KCNMA1: variants seen among roughly 807,000 people sequenced by gnomAD.
The protein encoded by KCNMA1 is potassium calcium-activated channel subfamily M alpha 1.
KCNMA1 carries 29 observed loss-of-function variants against 140.0 expected under a neutral mutation model. The ratio of observed to expected loss-of-function variants is 0.21; its 90% CI spans 0.15 to 0.28. The LOEUF (loss-of-function observed/expected upper bound fraction) is 0.28. Ranked by LOEUF, KCNMA1 falls within the 10% of genes least tolerant of loss-of-function variation. The probability of loss-of-function intolerance (pLI) is 1.00; values close to 1 mark genes in which losing one functional copy is unlikely to be tolerated. For missense variants in KCNMA1, 880 were observed against 1,602.2 expected (o/e 0.55, Z 7.70); for synonymous variants, 612 against 611.9 (o/e 1.00, Z 0.00).
rs772878572 is a variant in KCNMA1, at chr10:77,082,002, C to CTTTT, written c.1524-2456_1524-2453dup. Among the ~76,000 whole-genome samples the CTTTT allele has an allele frequency of 4.7e-3, 242 of 51,678 alleles. 38 individuals are homozygous for CTTTT. Among genetic ancestry groups the CTTTT allele is most frequent in the Non-Finnish European group, 6.1e-3 (133 of 21,706 alleles). The allele number at this position is 51,678 out of a possible 152,430, so 33.9% of individuals were successfully genotyped here. A position where few individuals can be genotyped will look rare whatever the true frequency, so the allele number is the denominator to read the frequency against. On this transcript the variant is annotated intron_variant, in intron 12 of 27. Coordinates refer to ENST00000286628, the MANE Select transcript of KCNMA1 (RefSeq NM_001161352.2). The stretch of plus-strand genomic sequence containing the variant: ...CCTTTGACCAGTAATTTCTTTTTTT[C>CTTTT]TTTTCTTTTTTTTTTTTTTTTTTTT...
chr10:77,131,541 G>A (rs1338532124), intron 5 of KCNMA1, among the ~76,000 whole-genome samples: 1 of 152,166 alleles, frequency 6.6e-6, no homozygotes, highest in Non-Finnish European at 1.5e-5. Flanking sequence ...ATATGGTCAG[G>A]AGAGTGGTTA....
At chr10:77,284,646 C>T (rs1250052503) in intron 2 of KCNMA1, among the ~76,000 whole-genome samples, 2 of 152,018 alleles carry the variant, frequency 1.3e-5, no homozygotes, top group Middle Eastern at 3.4e-3. Context: ...CCCAAGTAGC[C>T]GGGATTACAG....
rs539179159 is a variant in KCNMA1, at chr10:77,351,723, G to A, written c.540+52139C>T. On this transcript the variant is annotated intron_variant, in intron 2 of 27. Coordinates refer to ENST00000286628, the MANE Select transcript of KCNMA1 (RefSeq NM_001161352.2). The stretch of plus-strand genomic sequence containing the variant: ...AAAACTAGGTCTGGAGGGTCCCCAA[G>A]AGATCCACAAATTTCTTGCAATATT... Among the ~76,000 whole-genome samples, 5 of 152,304 alleles carry A rather than the reference G, an allele frequency of 3.3e-5. No homozygotes were observed. In the South Asian group the frequency reaches 8.3e-4, roughly 25 times the overall value.
intron 1 of KCNMA1, among the ~76,000 whole-genome samples, chr10:77,492,494 T>G (rs1458541749): frequency 6.6e-6 from 1 of 152,230 alleles, no homozygotes; most frequent in Non-Finnish European, 1.5e-5. Flanking sequence ...AAGCCCTTAA[T>G]GAAGTTCAGG....
intron 1 of KCNMA1, among the ~76,000 whole-genome samples, chr10:77,447,150 T>C (rs1445676559): frequency 1.3e-5 from 2 of 152,234 alleles, no homozygotes; most frequent in Non-Finnish European, 2.9e-5. Flanking sequence ...TGGGACAGCC[T>C]GCATCTGGTG....
At chr10:76,935,378 A>G (rs1303661627) in intron 23 of KCNMA1, among the ~76,000 whole-genome samples, 2 of 152,220 alleles carry the variant, frequency 1.3e-5, no homozygotes, top group Non-Finnish European at 2.9e-5. Flanking sequence ...TCAGGATAAC[A>G]CTTGCCTTTT....
At chr10:77,133,749 A>C (rs948065823) in intron 5 of KCNMA1, among the ~76,000 whole-genome samples, 3 of 152,154 alleles carry the variant, frequency 2.0e-5, no homozygotes, top group African/African-American at 7.2e-5. Context: ...TATGTATCTG[A>C]ATGGATGGGC....
intron 1 of KCNMA1, chr10:77,586,984 C>T (rs941485726): frequency 4.6e-5 from 7 of 152,214 alleles, no homozygotes; most frequent in African/African-American, 1.7e-4. Flanking sequence ...GATGGTTGGT[C>T]TGTACGTGCT....
At position 77,001,469 on chromosome 10, in the gene KCNMA1, A is replaced by C. The variant is rs750442115; in HGVS notation, c.2204T>G (p.Leu735Arg). Residue 735 changes from leucine to arginine, a missense_variant, in exon 19 of 28, where the codon CTT becomes CGT. Coordinates refer to ENST00000286628, the MANE Select transcript of KCNMA1 (RefSeq NM_001161352.2). The stretch of plus-strand genomic sequence containing the variant: ...AGAAGAAAGTGGGAAGGCTCTCTCA[A>C]GGGTGTCCACGTTACCACGCACACG... ...SGRVRGNVDT[L>R]ERAFPLSSVS... 1.3e-6 allele frequency: 2 copies of C among 1,551,928 alleles called. No homozygotes were observed. Among genetic ancestry groups the C allele is most frequent in the South Asian group, 2.4e-5 (2 of 84,062 alleles).
intron 5 of KCNMA1, among the ~76,000 whole-genome samples, chr10:77,166,127 C>G (rs2098639286): frequency 6.6e-6 from 1 of 152,038 alleles, no homozygotes; most frequent in Admixed American, 6.5e-5. Flanking sequence ...TCTAACAAAC[C>G]AGAAGTACTT....
At chr10:77,390,805 G>A (rs1161077781) in intron 2 of KCNMA1, among the ~76,000 whole-genome samples, 1 of 152,056 alleles carries the variant, frequency 6.6e-6, no homozygotes, top group Non-Finnish European at 1.5e-5. Context: ...CAGCAGCCAG[G>A]GAGCTGGCAG....
intron 2 of KCNMA1, among the ~76,000 whole-genome samples, chr10:77,266,614 A>G (rs1482354499): frequency 2.0e-5 from 3 of 152,206 alleles, no homozygotes; most frequent in African/African-American, 7.2e-5. Flanking sequence ...TCTATTGAAT[A>G]ATCAATCCAT....
chr10:77,124,413 C>G (rs114451424), intron 5 of KCNMA1, among the ~76,000 whole-genome samples: 1,633 of 152,258 alleles, frequency 0.011, 34 homozygotes, highest in African/African-American at 0.038. Context: ...GTCCTATACT[C>G]TTGCTAGACA....
intron 2 of KCNMA1, among the ~76,000 whole-genome samples, chr10:77,337,244 T>A (rs964932309): frequency 6.6e-6 from 1 of 152,164 alleles, no homozygotes; most frequent in Admixed American, 6.5e-5. Context: ...TGACTTTAGA[T>A]GGGAAGACAA....
intron 26 of KCNMA1, among the ~76,000 whole-genome samples, chr10:76,889,983 G>A (rs943905393): frequency 1.1e-4 from 16 of 152,184 alleles, no homozygotes; most frequent in African/African-American, 2.2e-4. Flanking sequence ...TGATAGGCTC[G>A]TGTTGTCAAA....
intron 1 of KCNMA1, among the ~76,000 whole-genome samples, chr10:77,485,361 TGG>T (rs2098448798): frequency 1.3e-5 from 2 of 152,254 alleles, no homozygotes; most frequent in Admixed American, 1.3e-4. Flanking sequence ...TGGAGGCTGC[TGG>T]TCTAGAATTC....
At chr10:77,316,855 AAGGAAAGTAGG>A (rs2081026611) in intron 2 of KCNMA1, among the ~76,000 whole-genome samples, 2 of 152,106 alleles carry the variant, frequency 1.3e-5, no homozygotes, top group South Asian at 4.2e-4. Context: ...TAACCACATA[AAGGAAAGTAGG>A]GATATGGTCT....
In KCNMA1 at chr10:77,347,110, G is replaced by A. The variant is rs142600584; in HGVS notation, c.540+56752C>T. ...TCAGTTTCCCCATCTGTAAAATGAA[G>A]AGTACCAATATCCTGATGTGTTGTG... On this transcript the variant is annotated intron_variant, in intron 2 of 27. Transcript: ENST00000286628. Among the ~76,000 whole-genome samples the A allele has an allele frequency of 7.3e-4, 111 of 152,272 alleles. 1 individual carries two copies. The East Asian group carries it at 0.016, about 22-fold the overall frequency.
At chr10:77,414,577 C>T (rs192051643) in intron 1 of KCNMA1, among the ~76,000 whole-genome samples, 254 of 152,216 alleles carry the variant, frequency 1.7e-3, no homozygotes, top group Non-Finnish European at 2.6e-3. Flanking sequence ...CTGCAGCCTC[C>T]GCCTCCCAGG....
Sources: allele counts gnomAD v4.1 joint callset (sites outside exome capture counted in the v4.1 genomes callset), GRCh38; gene constraint gnomAD v4.1.1; transcripts MANE v1.5; gene names NCBI Gene and HGNC (gene_info 2026-07-23, HGNC 2026-07-21).